Variants in NXPH4 observed in about 807,000 individuals in gnomAD.
NXPH4 encodes the protein neurexophilin 4, also known as neurexophilin-4.
Under a neutral mutation model 21.3 loss-of-function variants are expected in NXPH4, and 8 were observed. The observed-to-expected ratio is 0.38, with a 90% confidence interval of 0.22 to 0.68. NXPH4 has a LOEUF of 0.68. Among genes scored for constraint, NXPH4 ranks in the 30% least tolerant of loss-of-function variants. The pLI is 0.53. For synonymous variants in NXPH4, 219 were observed against 192.6 expected (o/e 1.14, Z -1.13); for missense variants, 418 against 416.8 (o/e 1.00, Z -0.03).
chr12:57,226,027 C>T lies in NXPH4; in HGVS notation c.*280C>T. On this transcript the variant is annotated 3_prime_UTR_variant, in exon 2 of 2. Transcript: ENST00000349394. ...GGGGCTTGGAGGCGGTCCCAATGTC[C>T]CCTGGGTCCACAGTGGGTCCCCTTT... The T allele has an allele frequency of 9.7e-7, 1 of 1,036,178 alleles. No homozygotes were observed. The highest frequency in any genetic ancestry group is 3.2e-4 in the Middle Eastern group (1 of 3,098). 64.2% of individuals were successfully genotyped at this position (1,036,178 alleles called of 1,614,324 possible).
At position 57,225,858 on chromosome 12, in the gene NXPH4, T is replaced by C. The variant is rs375176638; in HGVS notation, c.*111T>C. On this transcript the variant is annotated 3_prime_UTR_variant, in exon 2 of 2. Coordinates refer to ENST00000349394, the MANE Select transcript of NXPH4 (RefSeq NM_007224.4). ...TGGCCATGTCGCCCACTCCTTCCAC[T>C]CTGGGGGCGGAGGGGAATGGCTTCT... is the stretch of plus-strand genomic sequence containing the variant. The C allele has an allele frequency of 4.0e-6, 6 of 1,488,788 alleles. No individual in the cohort carries two copies. The highest frequency in any genetic ancestry group is 2.1e-4 in the Middle Eastern group (1 of 4,816). 92.2% of individuals were successfully genotyped at this position (1,488,788 alleles called of 1,614,324 possible). A position where few individuals can be genotyped will look rare whatever the true frequency, so the allele number is the denominator to read the frequency against.
rs146407558 is a variant in NXPH4 at position 57,224,867 on chromosome 12, T to C, written c.58-11T>C. The stretch of plus-strand genomic sequence containing the variant: ...CCCCAGCGTCTCTCTCTCCTCTTTC[T>C]TCGTGCACAGGCCGTCAGTGCCCAG... On this transcript the variant is annotated splice_polypyrimidine_tract_variant and intron_variant, in intron 1 of 1. Coordinates refer to ENST00000349394, the MANE Select transcript of NXPH4 (RefSeq NM_007224.4). The C allele has an allele frequency of 1.7e-3, 1,344 of 796,882 alleles. 35 individuals are homozygous for C. The East Asian group carries it at 0.033, about 20-fold the overall frequency. 49.4% of individuals were successfully genotyped at this position (796,882 alleles called of 1,614,324 possible).
chr12:57,219,192 GACA>G (rs1489221419), intron 1 of NXPH4, among the ~76,000 whole-genome samples: 2 of 152,060 alleles, frequency 1.3e-5, no homozygotes, highest in African/African-American at 4.8e-5. Context: ...ATGAACGGCT[GACA>G]CCTCTGCCTC....
chr12:57,217,694 T>C (rs2037053874), intron 1 of NXPH4, among the ~76,000 whole-genome samples: 1 of 151,986 alleles, frequency 6.6e-6, no homozygotes, highest in Admixed American at 6.5e-5. Flanking sequence ...CCAACCCCAC[T>C]CCAAGGCCTC....
rs2037128303 is a variant in NXPH4, at chr12:57,225,052, GCCCGGGCAGGGGCAGCCGGGGCGTTGC to G, written c.235_261del (p.Arg79_Pro87del). ...GCCGACCAACCACACGGGGGCGCTG[GCCCGGGCAGGGGCAGCCGGGGCGTTGC>G]CCGCGCAGCGCACCAAGAGGAAGCC... is the stretch of plus-strand genomic sequence containing the variant. On this transcript the variant is annotated inframe_deletion, in exon 2 of 2. Transcript: ENST00000349394. 2 of 1,477,368 alleles carry G rather than the reference GCCCGGGCAGGGGCAGCCGGGGCGTTGC, an allele frequency of 1.4e-6. No individual in the cohort carries two copies. Among genetic ancestry groups the G allele is most frequent in the Non-Finnish European group, 1.8e-6 (2 of 1,112,020 alleles). 91.5% of individuals were successfully genotyped at this position (1,477,368 alleles called of 1,614,324 possible). A position where few individuals can be genotyped will look rare whatever the true frequency, so the allele number is the denominator to read the frequency against.
intron 1 of NXPH4, among the ~76,000 whole-genome samples, chr12:57,217,360 C>T (rs2037050910): frequency 6.6e-6 from 1 of 152,224 alleles, no homozygotes; most frequent in Non-Finnish European, 1.5e-5. Flanking sequence ...GTCAGCCTTG[C>T]CGTCTTTCCG....
Position 57,226,263 on chromosome 12 carries a change from T to C in NXPH4, c.*516T>C. On this transcript the variant is annotated 3_prime_UTR_variant, in exon 2 of 2. Transcript: ENST00000349394. ...TGTCCCCTTTTCCTCCAAACCCTAT[T>C]AGGGTACCGGAAGCAGAACCCCTGG... 1 of 285,374 alleles carries C rather than the reference T, an allele frequency of 3.5e-6. No homozygotes were observed. The highest frequency in any genetic ancestry group is 6.5e-6 in the Non-Finnish European group (1 of 153,616). 17.7% of individuals were successfully genotyped at this position (285,374 alleles called of 1,614,324 possible).
intron 1 of NXPH4, among the ~76,000 whole-genome samples, chr12:57,217,676 C>G (rs543329176): frequency 2.0e-3 from 310 of 152,356 alleles, no homozygotes; most frequent in African/African-American, 7.1e-3. Flanking sequence ...CCCATGCCCT[C>G]CCTGCCTCCA....
rs549105121 is a variant in NXPH4 at position 57,216,833 on chromosome 12, GCCGCCGCTC to G, written c.-105_-97del. The stretch of plus-strand genomic sequence containing the variant: ...GCCTCGCGCCCAGTCCGCGGGCCGC[GCCGCCGCTC>G]CCGCCGCTCCCGCCGCTCCCGCCGC... On this transcript the variant is annotated 5_prime_UTR_variant, in exon 1 of 2. Transcript: ENST00000349394. This position sits in a 1 kb window ranked among gnomAD's most constrained non-coding sequence, Gnocchi z 5.3. 245,070 of 258,640 alleles carry G rather than the reference GCCGCCGCTC, an allele frequency of 0.95. 117,086 individuals are homozygous for G. The highest frequency in any genetic ancestry group is 0.97 in the Non-Finnish European group (167,952 of 172,560). The allele number at this position is 258,640 out of a possible 1,614,324, so 16.0% of individuals were successfully genotyped here.
In NXPH4 at chr12:57,226,141, T is replaced by G; in HGVS notation, c.*394T>G. 2.2e-6 allele frequency: 1 copy of G among 446,902 alleles called. No individual in the cohort carries two copies. Among genetic ancestry groups the G allele is most frequent in the Non-Finnish European group, 3.9e-6 (1 of 255,450 alleles). The allele number at this position is 446,902 out of a possible 1,614,324, so 27.7% of individuals were successfully genotyped here. On this transcript the variant is annotated 3_prime_UTR_variant, in exon 2 of 2. Transcript: ENST00000349394. ...CCCTCACCCCACCCTGACTTTCCCATCCCCCAGCGCTTGTCCTGCTTCACC... is the reference window on the plus strand; with the variant it reads ...CCCTCACCCCACCCTGACTTTCCCAGCCCCCAGCGCTTGTCCTGCTTCACC...
intron 1 of NXPH4, 83 bp downstream of exon 1, chr12:57,217,109 C>T (rs2136765065): frequency 1.7e-6 from 2 of 1,196,486 alleles, no homozygotes; most frequent in South Asian, 1.3e-5. Context: ...GCTCCGTGCG[C>T]CCGCCCCGCC....
chr12:57,224,841 A>G, intron 1 of NXPH4, 37 bp from the exon 2 acceptor site: 1 of 639,636 alleles, frequency 1.6e-6, no homozygotes, highest in Non-Finnish European at 2.5e-6. Flanking sequence ...GCGGGGGACA[A>G]CCCCAGCGTC....
intron 1 of NXPH4, 85 bp from the exon 2 acceptor site, chr12:57,224,793 T>A: frequency 2.0e-6 from 1 of 495,562 alleles, no homozygotes; most frequent in Non-Finnish European, 3.5e-6. Context: ...CTAGCGGCTG[T>A]GGAAAGGGAC....
Position 57,217,015 on chromosome 12 carries a change from C to T in NXPH4, c.46C>T (p.Leu16Phe). The stretch of plus-strand genomic sequence containing the variant: ...GTTCCTCTTGCTCTTTGGCCCGTGG[C>T]TCCTTAGGAAGGTAAGAGTGGCAGG... ...EWFLLLFGPWLLRKAVSAQIP... is the reference protein window; with the variant it reads ...EWFLLLFGPWFLRKAVSAQIP... The change falls in exon 1 of 2, where the codon CTC (leucine) becomes TTC (phenylalanine). Residue 16 changes from leucine (L) to phenylalanine (F), a missense_variant. Physicochemically the swap from Leu to Phe is conservative, Grantham distance 22. Coordinates refer to ENST00000349394, the MANE Select transcript of NXPH4 (RefSeq NM_007224.4). 6.2e-7 allele frequency: 1 copy of T among 1,606,838 alleles called. No homozygotes were observed. The highest frequency in any genetic ancestry group is 8.5e-7 in the Non-Finnish European group (1 of 1,177,090).
intron 1 of NXPH4, among the ~76,000 whole-genome samples, chr12:57,220,942 C>T (rs765836831): frequency 7.3e-5 from 11 of 151,722 alleles, no homozygotes; most frequent in Non-Finnish European, 1.5e-4. Context: ...CCATTCCTGT[C>T]CCCATGCTGC....
At position 57,216,894 on chromosome 12, in the gene NXPH4, G is replaced by C; in HGVS notation, c.-76G>C. On this transcript the variant is annotated 5_prime_UTR_variant, in exon 1 of 2. Coordinates refer to ENST00000349394, the MANE Select transcript of NXPH4 (RefSeq NM_007224.4). This position sits in a 1 kb window ranked among gnomAD's most constrained non-coding sequence, Gnocchi z 5.3. The stretch of plus-strand genomic sequence containing the variant: ...CCCGCAGCCGCCCCGCCGCCCGCCC[G>C]GAGCCCCGCGTCCCTAGGCCTGGCT... 4 of 910,854 alleles carry C rather than the reference G, an allele frequency of 4.4e-6. No homozygotes were observed. The highest frequency in any genetic ancestry group is 5.6e-6 in the Non-Finnish European group (4 of 714,322). 56.4% of individuals were successfully genotyped at this position (910,854 alleles called of 1,614,324 possible).
At position 57,225,480 on chromosome 12, in the gene NXPH4, G is replaced by A. The variant is rs749386093; in HGVS notation, c.660G>A (p.Leu220=). 32 of 1,602,770 alleles carry A rather than the reference G, an allele frequency of 2.0e-5. 1 individual carries two copies. The South Asian group carries it at 3.3e-4, about 17-fold the overall frequency. The change falls in exon 2 of 2, where the codon TTG becomes TTA. Residue 220 remains leucine (L), a synonymous_variant. Coordinates refer to ENST00000349394, the MANE Select transcript of NXPH4 (RefSeq NM_007224.4). ...TGGCGGGGCCGCTTGGGGGCGCGTT[G>A]GGAGTGCCTGGGGCCAAAGAGTCAC... ...GALAGPLGGA[L]GVPGAKESRA...
At chr12:57,219,199 C>T (rs753149450) in intron 1 of NXPH4, among the ~76,000 whole-genome samples, 6 of 152,090 alleles carry the variant, frequency 3.9e-5, no homozygotes, top group Middle Eastern at 3.2e-3. Context: ...GCTGACACCT[C>T]TGCCTCTCCC....
At position 57,225,911 on chromosome 12, in the gene NXPH4, T is replaced by C; in HGVS notation, c.*164T>C. 1 of 1,438,412 alleles carries C rather than the reference T, an allele frequency of 7.0e-7. No homozygotes were observed. The highest frequency in any genetic ancestry group is 9.1e-7 in the Non-Finnish European group (1 of 1,101,102). The allele number at this position is 1,438,412 out of a possible 1,614,324, so 89.1% of individuals were successfully genotyped here. ...GGACCCTCAGCTAGCGTGGGTGCCC[T>C]TTTCCTTATGCGGAGTGCCCGCAAG... On this transcript the variant is annotated 3_prime_UTR_variant, in exon 2 of 2. Transcript: ENST00000349394.
Sources: gnomAD v4.1 joint callset for allele counts (sites outside exome capture counted in the v4.1 genomes callset) on GRCh38, gnomAD v4.1.1 for gene constraint, Gnocchi (gnomAD v3.1) non-coding constraint, MANE v1.5 for transcripts, NCBI Gene and HGNC (gene_info 2026-07-23, HGNC 2026-07-21) for gene names.